Variants in SNTG1 observed in about 807,000 individuals in gnomAD.
SNTG1 encodes gamma-1-syntrophin.
SNTG1 carries 39 observed loss-of-function variants against 74.7 expected under a neutral mutation model. The ratio of observed to expected loss-of-function variants is 0.52; its 90% CI spans 0.40 to 0.68. The LOEUF is 0.68. Ranked by LOEUF, SNTG1 falls within the 30% of genes least tolerant of loss-of-function variation. The pLI is 0.00. For missense variants in SNTG1, 685 were observed against 609.5 expected (o/e 1.12, Z -1.30); for synonymous variants, 254 against 217.1 (o/e 1.17, Z -1.49).
chr8:50,453,390 C>T (rs1428946750), intron 8 of SNTG1, among the ~76,000 whole-genome samples: 1 of 152,006 alleles, frequency 6.6e-6, no homozygotes, highest in South Asian at 2.1e-4. Context: ...CACCACATCA[C>T]CCACTGTATT....
At chr8:50,159,806 C>T (rs2082361452) in intron 1 of SNTG1, among the ~76,000 whole-genome samples, 1 of 152,112 alleles carries the variant, frequency 6.6e-6, no homozygotes, top group African/African-American at 2.4e-5. Context: ...CATTTGGTCC[C>T]ATTGGTCTTA....
At chr8:50,747,899 T>G (rs1041978773) in intron 17 of SNTG1, 8 of 152,034 alleles carry the variant, frequency 5.3e-5, no homozygotes, top group African/African-American at 1.9e-4. Context: ...CAAGTCCAGC[T>G]AACTTTTTGT....
chr8:50,496,234 G>T (rs1197025050), intron 8 of SNTG1, among the ~76,000 whole-genome samples: 1 of 152,084 alleles, frequency 6.6e-6, no homozygotes, highest in African/African-American at 2.4e-5. Flanking sequence ...GTTACTGGCG[G>T]GCAGAAATAC....
chr8:50,478,279 T>C (rs1010365246), intron 8 of SNTG1, among the ~76,000 whole-genome samples: 2 of 152,174 alleles, frequency 1.3e-5, no homozygotes, highest in Non-Finnish European at 2.9e-5. Context: ...CCTTTAAAAA[T>C]TATTTGGACT....
intron 1 of SNTG1, among the ~76,000 whole-genome samples, chr8:50,045,129 C>T (rs949936159): frequency 1.3e-5 from 2 of 152,118 alleles, no homozygotes; most frequent in South Asian, 2.1e-4. Context: ...AGTCAGAAAA[C>T]GTGGGTTGAC....
chr8:50,080,850 C>T lies in SNTG1; in HGVS notation c.-102-91711C>T, dbSNP rs529465955. Among the ~76,000 whole-genome samples the T allele has an allele frequency of 3.9e-5, 6 of 152,260 alleles. No homozygotes were observed. The South Asian group carries it at 8.3e-4, about 21-fold the overall frequency. On this transcript the variant is annotated intron_variant, in intron 1 of 18. Transcript: ENST00000642720. ...ATCTATGAGTGATAGCTTATCCACT[C>T]AAGTTCTGGGCATTACATTGGGTAT...
chr8:50,156,881 T>C (rs557782331), intron 1 of SNTG1, among the ~76,000 whole-genome samples: 16 of 152,240 alleles, frequency 1.1e-4, no homozygotes, highest in African/African-American at 3.4e-4. Flanking sequence ...CCAAGTGTTG[T>C]TAAGGATGTT....
intron 1 of SNTG1, among the ~76,000 whole-genome samples, chr8:49,999,996 G>A (rs1814599739): frequency 6.6e-6 from 1 of 152,056 alleles, no homozygotes; most frequent in Non-Finnish European, 1.5e-5. Flanking sequence ...AATTGTATCT[G>A]GTATTGACTT....
chr8:50,214,942 C>A (rs534256649), intron 2 of SNTG1, among the ~76,000 whole-genome samples: 1 of 152,262 alleles, frequency 6.6e-6, no homozygotes, highest in African/African-American at 2.4e-5. Flanking sequence ...CTCAAAGAGA[C>A]CTCATTTGAC....
chr8:50,590,816 T>C, intron 12 of SNTG1, 63 bp from the exon 13 acceptor site: 1 of 1,061,930 alleles, frequency 9.4e-7, no homozygotes, highest in South Asian at 1.5e-5. Flanking sequence ...TGCATAAAAT[T>C]CTGGGGACCT....
rs201230200 is a variant in SNTG1, at chr8:50,363,767, A to G, written c.-27-30445A>G. On this transcript the variant is annotated intron_variant, in intron 2 of 18. Transcript: ENST00000642720. ...GTTTTTGTAGGTCTAAATAAACTCA[A>G]CTGTCTCTGGATACAATTCCTTTGG... Among the ~76,000 whole-genome samples the G allele has an allele frequency of 1.5e-4, 23 of 152,322 alleles. No individual in the cohort carries two copies. In the East Asian group the frequency reaches 4.0e-3, roughly 27 times the overall value.
chr8:50,706,979 G>A (rs1263473376), intron 16 of SNTG1, among the ~76,000 whole-genome samples: 1 of 151,812 alleles, frequency 6.6e-6, no homozygotes, highest in African/African-American at 2.4e-5. Flanking sequence ...ATTTTTCTCT[G>A]TATAATTTGT....
At chr8:50,687,091 C>T (rs1172007611) in intron 15 of SNTG1, among the ~76,000 whole-genome samples, 7 of 149,362 alleles carry the variant, frequency 4.7e-5, no homozygotes, top group South Asian at 2.1e-4. Flanking sequence ...GCCGAGATTG[C>T]GCCACTGCAG....
intron 1 of SNTG1, among the ~76,000 whole-genome samples, chr8:50,157,154 C>A (rs918012923): frequency 6.6e-6 from 1 of 152,014 alleles, no homozygotes; most frequent in African/African-American, 2.4e-5. Flanking sequence ...AAATAGATAT[C>A]AATATCTATA....
intron 2 of SNTG1, among the ~76,000 whole-genome samples, chr8:50,268,011 T>C (rs2087569313): frequency 6.6e-6 from 1 of 152,186 alleles, no homozygotes; most frequent in African/African-American, 2.4e-5. Flanking sequence ...CTATATAGAA[T>C]ATTTCAGTGC....
At chr8:49,941,098 A>C (rs1420251218) in intron 1 of SNTG1, among the ~76,000 whole-genome samples, 1 of 152,126 alleles carries the variant, frequency 6.6e-6, no homozygotes, top group Non-Finnish European at 1.5e-5. Context: ...TCTCAGGACA[A>C]ACTCTTCAGT....
chr8:50,108,726 T>C (rs1235065880), intron 1 of SNTG1, among the ~76,000 whole-genome samples: 1 of 152,188 alleles, frequency 6.6e-6, no homozygotes, highest in Non-Finnish European at 1.5e-5. Flanking sequence ...TATGTCCAGC[T>C]CCTTTGCTGA....
chr8:49,952,013 A>G (rs974284149), intron 1 of SNTG1, among the ~76,000 whole-genome samples: 18 of 152,098 alleles, frequency 1.2e-4, no homozygotes, highest in Admixed American at 4.6e-4. Context: ...TGTTATGAGC[A>G]TAGTTGGAAC....
intron 1 of SNTG1, among the ~76,000 whole-genome samples, chr8:50,112,305 G>C (rs203622): frequency 1.4e-4 from 21 of 151,876 alleles, no homozygotes; most frequent in Admixed American, 8.5e-4. Flanking sequence ...TCAGGCATAC[G>C]TGGATGACTT....
Sources: gnomAD v4.1 joint callset for allele counts (sites outside exome capture counted in the v4.1 genomes callset) on GRCh38, gnomAD v4.1.1 for gene constraint, MANE v1.5 for transcripts, NCBI Gene and HGNC (gene_info 2026-07-23, HGNC 2026-07-21) for gene names.